The following HTR4 variants were observed in gnomAD, a reference collection of about 807,000 sequenced individuals.
The protein encoded by HTR4 is 5-hydroxytryptamine (serotonin) receptor 4, G protein-coupled.
HTR4 carries 16 observed loss-of-function variants against 36.8 expected under a neutral mutation model. The observed-to-expected ratio is 0.43, with a 90% CI of 0.29 to 0.66. The LOEUF is 0.66. HTR4 is among the 30% of genes least tolerant of loss of function. The probability of loss-of-function intolerance (pLI) is 0.13; values close to 1 mark genes in which losing one functional copy is unlikely to be tolerated. For missense variants in HTR4, 438 were observed against 490.9 expected (o/e 0.89, Z 1.02); for synonymous variants, 189 against 185.1 (o/e 1.02, Z -0.17).
chr5:148,604,906 C>T (rs1752084067), intron 2 of HTR4, among the ~76,000 whole-genome samples: 1 of 152,076 alleles, frequency 6.6e-6, no homozygotes, highest in Non-Finnish European at 1.5e-5. Context: ...TTTTCACCAC[C>T]TACCTGGACC....
At chr5:148,495,961 G>C (rs755684862) in intron 6 of HTR4, among the ~76,000 whole-genome samples, 1 of 152,066 alleles carries the variant, frequency 6.6e-6, no homozygotes, top group African/African-American at 2.4e-5. Context: ...AATTAGCCGG[G>C]TTTGGTGGCT....
chr5:148,477,913 A>G (rs1172844904), downstream of HTR4, among the ~76,000 whole-genome samples: 1 of 152,150 alleles, frequency 6.6e-6, no homozygotes, highest in East Asian at 1.9e-4. Flanking sequence ...CCTGTCACAG[A>G]GCTCACCTCC....
intron 2 of HTR4, among the ~76,000 whole-genome samples, chr5:148,554,338 G>A (rs1427642392): frequency 6.6e-6 from 1 of 152,160 alleles, no homozygotes; most frequent in African/African-American, 2.4e-5. Context: ...GCCTCCCAAA[G>A]TGCTGGGATT....
intron 4 of HTR4, among the ~76,000 whole-genome samples, chr5:148,536,577 A>C (rs1415909100): frequency 6.6e-6 from 1 of 152,162 alleles, no homozygotes; most frequent in Admixed American, 6.5e-5. Context: ...ACAGAAAAAA[A>C]CAGGGATTGC....
chr5:148,489,854 G>T (rs1756333902), intron 6 of HTR4, among the ~76,000 whole-genome samples: 1 of 151,944 alleles, frequency 6.6e-6, no homozygotes. Flanking sequence ...ACTGCTCAAG[G>T]TTATCCTATT....
At chr5:148,559,126 A>G (rs1408447505) in intron 2 of HTR4, among the ~76,000 whole-genome samples, 6 of 152,200 alleles carry the variant, frequency 3.9e-5, no homozygotes, top group African/African-American at 1.4e-4. Context: ...ACTGATTGAG[A>G]GTTGGAGCTC....
intron 2 of HTR4, among the ~76,000 whole-genome samples, chr5:148,596,343 A>G (rs1047264052): frequency 6.6e-6 from 1 of 152,112 alleles, no homozygotes; most frequent in African/African-American, 2.4e-5. Context: ...GCAAACCTCA[A>G]ATTTGGTTAC....
At chr5:148,616,060 T>C (rs1752671568) in intron 2 of HTR4, among the ~76,000 whole-genome samples, 1 of 152,186 alleles carries the variant, frequency 6.6e-6, no homozygotes, top group African/African-American at 2.4e-5. Context: ...CCACAAATGT[T>C]GCTAGGCAAC....
intron 4 of HTR4, among the ~76,000 whole-genome samples, chr5:148,527,837 T>C (rs1274329084): frequency 6.6e-6 from 1 of 152,168 alleles, no homozygotes; most frequent in Non-Finnish European, 1.5e-5. Flanking sequence ...TTGTCTCAAA[T>C]TCCTGGCCTC....
chr5:148,527,550 C>G (rs1758343921), intron 4 of HTR4, among the ~76,000 whole-genome samples: 1 of 152,150 alleles, frequency 6.6e-6, no homozygotes, highest in African/African-American at 2.4e-5. Flanking sequence ...ATAGTGGTAA[C>G]AGGTTTCCTT....
rs1278654332 is a variant in HTR4 at position 148,469,067 on chromosome 5, G to T, written c.1077-17795C>A. ...TTATAAATTACCCAGTCCTGGGTAT[G>T]TCTTTATTAGCAGTGTGAAATGGAC... On this transcript the variant is annotated intron_variant, in intron 5 of 5. Coordinates refer to the HTR4 transcript ENST00000521530. Among the ~76,000 whole-genome samples the T allele has an allele frequency of 2.0e-5, 3 of 152,222 alleles. No individual in the cohort carries two copies. In the East Asian group the frequency reaches 5.8e-4, roughly 29 times the overall value.
intron 5 of HTR4, among the ~76,000 whole-genome samples, chr5:148,514,667 A>G (rs569387408): frequency 6.6e-6 from 1 of 152,040 alleles, no homozygotes; most frequent in South Asian, 2.1e-4. Context: ...TATATGATAT[A>G]CTCACAAACA....
At chr5:148,636,120 A>C (rs2127305862) in intron 2 of HTR4, among the ~76,000 whole-genome samples, 1 of 152,268 alleles carries the variant, frequency 6.6e-6, no homozygotes, top group East Asian at 1.9e-4. Flanking sequence ...GTGACAGTAC[A>C]TCTTGGCAAC....
chr5:148,625,368 A>C (rs956268832), intron 2 of HTR4, among the ~76,000 whole-genome samples: 2 of 152,220 alleles, frequency 1.3e-5, no homozygotes, highest in African/African-American at 4.8e-5. Context: ...GTAAAACCTC[A>C]TCAGTTCAAC....
At chr5:148,512,662 G>A (rs575986151) in intron 5 of HTR4, among the ~76,000 whole-genome samples, 10 of 152,308 alleles carry the variant, frequency 6.6e-5, no homozygotes, top group African/African-American at 2.4e-4. Context: ...CGGGCGCGGT[G>A]ACTTACATCT....
chr5:148,642,920 G>A (rs1039581200), intron 1 of HTR4, among the ~76,000 whole-genome samples: 4 of 151,748 alleles, frequency 2.6e-5, no homozygotes, highest in African/African-American at 7.3e-5. Flanking sequence ...TGTTTACCTA[G>A]AGCTCTAAAT....
At chr5:148,471,331 C>T (rs1755563039) in intron 5 of HTR4, among the ~76,000 whole-genome samples, 1 of 152,096 alleles carries the variant, frequency 6.6e-6, no homozygotes, top group South Asian at 2.1e-4. Context: ...TACATAACTC[C>T]CTGTTGAGTG....
chr5:148,605,827 C>A (rs1431390886), intron 2 of HTR4, among the ~76,000 whole-genome samples: 2 of 152,028 alleles, frequency 1.3e-5, no homozygotes, highest in Non-Finnish European at 2.9e-5. Context: ...GTAGCAGTCT[C>A]TTCTTTCTGA....
intron 4 of HTR4, among the ~76,000 whole-genome samples, chr5:148,531,867 G>A (rs1310971535): frequency 6.6e-6 from 1 of 152,094 alleles, no homozygotes; most frequent in Non-Finnish European, 1.5e-5. Context: ...TCTCAACCAG[G>A]GGTGACTTTG....
Sources: gnomAD v4.1 joint callset for allele counts (sites outside exome capture counted in the v4.1 genomes callset) on GRCh38, gnomAD v4.1.1 for gene constraint, MANE v1.5 for transcripts, NCBI Gene and HGNC (gene_info 2026-07-23, HGNC 2026-07-21) for gene names.